Variants in GPA33 observed in about 807,000 individuals in gnomAD.
GPA33 encodes the protein glycoprotein A33.
Under a neutral mutation model 35.6 loss-of-function variants are expected in GPA33, and 27 were observed. The ratio of observed to expected loss-of-function variants is 0.76; its 90% confidence interval spans 0.56 to 1.04. The LOEUF is 1.04. Among genes scored for constraint, GPA33 ranks in the 50% least tolerant of loss-of-function variants. The pLI is 0.00. For synonymous variants in GPA33, 176 were observed against 164.0 expected, an observed-to-expected ratio of 1.07 and a Z score of -0.56; for missense variants, 428 against 411.9, an observed-to-expected ratio of 1.04 and a Z score of -0.34.
intron 3 of GPA33, among the ~76,000 whole-genome samples, chr1:167,064,824 T>G (rs1046933817): frequency 6.6e-6 from 1 of 152,016 alleles, no homozygotes; most frequent in African/African-American, 2.4e-5. Flanking sequence ...GCGGAAGCAG[T>G]TGCCATAAGC....
chr1:167,057,349 T>G (rs1421263349), intron 4 of GPA33, among the ~76,000 whole-genome samples: 1 of 152,074 alleles, frequency 6.6e-6, no homozygotes, highest in African/African-American at 2.4e-5. Context: ...TTGTTATAAC[T>G]GCTATTTTGA....
chr1:167,072,828 T>C (rs1260347509), intron 2 of GPA33, among the ~76,000 whole-genome samples: 1 of 151,916 alleles, frequency 6.6e-6, no homozygotes, highest in Non-Finnish European at 1.5e-5. Context: ...TATAAAAACA[T>C]ATATCCATGC....
At chr1:167,067,681 T>A (rs2102184486) in intron 3 of GPA33, among the ~76,000 whole-genome samples, 1 of 152,280 alleles carries the variant, frequency 6.6e-6, no homozygotes, top group Non-Finnish European at 1.5e-5. Flanking sequence ...TGAATATTCA[T>A]CAGTATGGAA....
At chr1:167,057,358 G>C (rs943681543) in intron 4 of GPA33, among the ~76,000 whole-genome samples, 1 of 152,016 alleles carries the variant, frequency 6.6e-6, no homozygotes, top group Non-Finnish European at 1.5e-5. Flanking sequence ...CTGCTATTTT[G>C]AGAGGAGCTG....
intron 4 of GPA33, among the ~76,000 whole-genome samples, chr1:167,056,962 G>A (rs1243215466): frequency 1.4e-5 from 2 of 138,364 alleles, no homozygotes; most frequent in Non-Finnish European, 3.2e-5. Context: ...TAGTATGTGT[G>A]GTGTGCAGTG....
chr1:167,056,752 G>GGTGCA (rs1558002023), intron 4 of GPA33, among the ~76,000 whole-genome samples: 251 of 148,724 alleles, frequency 1.7e-3, no homozygotes, highest in Non-Finnish European at 1.9e-3. Context: ...TGTGGTGTGT[G>GGTGCA]TATGGCGTGT....
At chr1:167,080,155 A>G (rs966733660) in intron 1 of GPA33, among the ~76,000 whole-genome samples, 3 of 152,138 alleles carry the variant, frequency 2.0e-5, no homozygotes, top group South Asian at 4.1e-4. Context: ...TGTGCCCGTC[A>G]TGCTCTAGAC....
Position 167,063,264 on chromosome 1 carries a change from C to T in GPA33, c.571+318G>A, listed in dbSNP as rs1426513274. Among the ~76,000 whole-genome samples the T allele has an allele frequency of 1.3e-5, 2 of 152,152 alleles. 1 individual carries two copies. Among genetic ancestry groups the T allele is most frequent in the South Asian group, 4.1e-4 (2 of 4,834 alleles). On this transcript the variant is annotated intron_variant, in intron 4 of 6. Coordinates refer to ENST00000367868, the MANE Select transcript of GPA33 (RefSeq NM_005814.3). ...CCAACATGGTGAAACCCCGTCTCTA[C>T]TAAAAATAGTGGTGGGCACCTGTAA...
rs1264955468 is a variant in GPA33 at position 167,056,753 on chromosome 1, TATGGCG to T, written c.572-910_572-905del. 5.7e-3 allele frequency among the ~76,000 whole-genome samples: 838 copies of T among 147,356 alleles called. 3 individuals carry two copies. Among genetic ancestry groups the T allele is most frequent in the East Asian group, 7.5e-3 (36 of 4,832 alleles). Reference sequence around the variant, plus strand: ...ATGTATGTGGTGTGTGTGGTGTGTGTATGGCGTGTGTGTGGTGTGTGTGGCATGTGT... The same window carrying T: ...ATGTATGTGGTGTGTGTGGTGTGTGTTGTGTGTGGTGTGTGTGGCATGTGT... On this transcript the variant is annotated intron_variant, in intron 4 of 6. Coordinates refer to ENST00000367868, the MANE Select transcript of GPA33 (RefSeq NM_005814.3).
chr1:167,063,753 A>C lies in GPA33; in HGVS notation c.416-16T>G, dbSNP rs1458275117. ...GAGGGTGGCACTATATAGAGGAGAG[A>C]CCAAAGAGAAGGCATGAGGCAGGTG... is the stretch of plus-strand genomic sequence containing the variant. On this transcript the variant is annotated splice_polypyrimidine_tract_variant and intron_variant, in intron 3 of 6. Transcript: ENST00000367868. 1 of 1,604,596 alleles carries C rather than the reference A, an allele frequency of 6.2e-7. No homozygotes were observed. The highest frequency in any genetic ancestry group is 1.7e-5 in the Admixed American group (1 of 59,324).
chr1:167,090,122 C>G (rs774275508), intron 1 of GPA33, 123 bp downstream of exon 1: 7 of 729,788 alleles, frequency 9.6e-6, no homozygotes, highest in South Asian at 1.6e-5. Flanking sequence ...TCTGGCCCAG[C>G]AGGAACGCAG....
In GPA33 at chr1:167,078,819, T is replaced by A. The variant is rs543302773; in HGVS notation, c.44-5280A>T. 49 of 152,330 alleles carry A rather than the reference T, an allele frequency of 3.2e-4. 1 individual carries two copies. The highest frequency in any genetic ancestry group is 1.2e-3 in the African/African-American group (48 of 41,570). The allele number at this position is 152,330 out of a possible 1,614,324, so 9.4% of individuals were successfully genotyped here. A position where few individuals can be genotyped will look rare whatever the true frequency, so the allele number is the denominator to read the frequency against. On this transcript the variant is annotated intron_variant, in intron 1 of 6. Coordinates refer to ENST00000367868, the MANE Select transcript of GPA33 (RefSeq NM_005814.3). The stretch of plus-strand genomic sequence containing the variant: ...AACCATGAGCAGTTTACTTAAGACC[T>A]CTGTGCCACACAGTTTTCCTTTGAG...
intron 1 of GPA33, chr1:167,078,672 C>T (rs1430492366): frequency 6.6e-6 from 1 of 152,226 alleles, no homozygotes; most frequent in African/African-American, 2.4e-5. Flanking sequence ...GTGTACCGCT[C>T]TGTATCGCAC....
intron 3 of GPA33, among the ~76,000 whole-genome samples, chr1:167,067,447 A>G (rs1269554137): frequency 6.6e-6 from 1 of 152,130 alleles, no homozygotes; most frequent in Non-Finnish European, 1.5e-5. Flanking sequence ...ACCGAGTTCC[A>G]TAATCTCAGA....
intron 2 of GPA33, among the ~76,000 whole-genome samples, chr1:167,070,793 A>G (rs1666702802): frequency 6.6e-6 from 1 of 152,174 alleles, no homozygotes; most frequent in African/African-American, 2.4e-5. Context: ...GAGGAGTATG[A>G]AAGTGGGGGC....
intron 4 of GPA33, among the ~76,000 whole-genome samples, chr1:167,056,870 G>A (rs1199720668): frequency 8.3e-5 from 7 of 84,468 alleles, no homozygotes; most frequent in East Asian, 7.4e-4. Flanking sequence ...TGTGTGTGGT[G>A]TGTGGTGTGT....
intron 1 of GPA33, among the ~76,000 whole-genome samples, chr1:167,088,927 T>C (rs1667106340): frequency 6.6e-6 from 1 of 152,184 alleles, no homozygotes; most frequent in South Asian, 2.1e-4. Flanking sequence ...CTGAATCTGA[T>C]GGCTGAGATA....
At chr1:167,056,051 C>T (rs1430216624) in intron 4 of GPA33, among the ~76,000 whole-genome samples, 1 of 152,180 alleles carries the variant, frequency 6.6e-6, no homozygotes, top group Non-Finnish European at 1.5e-5. Flanking sequence ...TTCAGTCAGG[C>T]ACCCTGGGTT....
intron 1 of GPA33, chr1:167,082,382 G>A (rs1292780674): frequency 6.7e-6 from 3 of 447,364 alleles, no homozygotes; most frequent in Admixed American, 2.4e-5. Context: ...GACAGTGAGG[G>A]CAGCCTATTT....
Sources: gnomAD v4.1 joint callset for allele counts (sites outside exome capture counted in the v4.1 genomes callset) on GRCh38, gnomAD v4.1.1 for gene constraint, MANE v1.5 for transcripts, NCBI Gene and HGNC (gene_info 2026-07-23, HGNC 2026-07-21) for gene names.